AFDN: variants seen among roughly 807,000 people sequenced by gnomAD.
AFDN encodes the protein afadin.
A neutral mutation model predicts 216.6 loss-of-function variants in AFDN; 68 were observed. The observed-to-expected ratio is 0.31, with a 90% CI of 0.26 to 0.38. The LOEUF (loss-of-function observed/expected upper bound fraction) is 0.38, where lower values mean the gene tolerates loss of function less well. Ranked by LOEUF, AFDN falls within the 10% of genes least tolerant of loss-of-function variation. The pLI is 1.00. For synonymous variants in AFDN, 868 were observed against 853.7 expected (o/e 1.02, Z -0.29); for missense variants, 2,136 against 2,342.0 (o/e 0.91, Z 1.82).
At chr6:167,837,085 T>C (rs1029321473) in intron 1 of AFDN, among the ~76,000 whole-genome samples, 21 of 152,176 alleles carry the variant, frequency 1.4e-4, no homozygotes, top group Non-Finnish European at 2.6e-4. Context: ...TTTTATTACC[T>C]TCATGACATT....
chr6:167,880,307 C>T (rs1035511033), intron 5 of AFDN, 53 bp from the exon 6 acceptor site: 2 of 1,548,202 alleles, frequency 1.3e-6, no homozygotes, highest in Non-Finnish European at 1.8e-6. Flanking sequence ...TTAGCTATCT[C>T]TGTTACTGGC....
intron 2 of AFDN, among the ~76,000 whole-genome samples, chr6:167,869,094 G>T (rs1217090840): frequency 1.3e-5 from 2 of 152,006 alleles, no homozygotes; most frequent in Non-Finnish European, 2.9e-5. Flanking sequence ...GTCCTTTTCT[G>T]CAAAGTATAG....
At chr6:167,844,297 T>C (rs1781397560) in intron 1 of AFDN, among the ~76,000 whole-genome samples, 2 of 151,982 alleles carry the variant, frequency 1.3e-5, no homozygotes, top group South Asian at 4.2e-4. Context: ...GCCTCCCAAA[T>C]AGCTGGGATT....
Position 167,962,817 on chromosome 6 carries a change from G to T in AFDN, c.4968+250G>T. ...CCTTCAAACTTCTGAACTCTTGGGC[G>T]TGTGTAGCAGTGAGCCTCTTTGCAA... On this transcript the variant is annotated intron_variant, in intron 31 of 33. Coordinates refer to ENST00000683244, the MANE Select transcript of AFDN (RefSeq NM_001386888.1). This position sits in a 1 kb window ranked among gnomAD's most constrained non-coding sequence, Gnocchi z 5.2. 1.5e-6 allele frequency: 2 copies of T among 1,320,622 alleles called. No homozygotes were observed. Among genetic ancestry groups the T allele is most frequent in the Non-Finnish European group, 1.9e-6 (2 of 1,032,404 alleles). The allele number at this position is 1,320,622 out of a possible 1,614,324, so 81.8% of individuals were successfully genotyped here. A position where few individuals can be genotyped will look rare whatever the true frequency, so the allele number is the denominator to read the frequency against.
At chr6:167,858,260 T>A (rs1350966323) in intron 1 of AFDN, among the ~76,000 whole-genome samples, 1 of 152,170 alleles carries the variant, frequency 6.6e-6, no homozygotes, top group Non-Finnish European at 1.5e-5. Flanking sequence ...TGTGAGCAGA[T>A]GATTGTTAAG....
chr6:167,951,456 C>G lies in AFDN; in HGVS notation c.4102C>G (p.Arg1368Gly). 1.2e-6 allele frequency: 2 copies of G among 1,614,136 alleles called. No homozygotes were observed. The highest frequency in any genetic ancestry group is 1.1e-5 in the South Asian group (1 of 91,076). Residue 1368 changes from arginine (R) to glycine (G), a missense_variant, in exon 30 of 34, where the codon CGA (arginine) becomes GGA (glycine). Physicochemically the swap from Arg to Gly is moderately radical, Grantham distance 125. This residue lies in a region of AFDN where 981 missense variants were observed against 966.0 expected (regional missense o/e 1.02). Coordinates refer to ENST00000683244, the MANE Select transcript of AFDN (RefSeq NM_001386888.1). This position sits in a 1 kb window ranked among gnomAD's most constrained non-coding sequence, Gnocchi z 7.1. ...CCCTGTGGCCGTCTCCCAGCCAATC[C>G]GAACAGACCTGCCTCCGCCACCCCC... The part of the protein sequence containing the change: ...ATPVAVSQPI[R>G]TDLPPPPPPP...
At chr6:167,964,946 CTG>C in intron 31 of AFDN, 2 of 1,056,430 alleles carry the variant, frequency 1.9e-6, no homozygotes, top group Non-Finnish European at 2.3e-6. Flanking sequence ...AATTTTAACA[CTG>C]TCAACTGTAG....
chr6:167,835,523 A>G (rs1780328885), intron 1 of AFDN, among the ~76,000 whole-genome samples: 1 of 152,246 alleles, frequency 6.6e-6, no homozygotes, highest in Admixed American at 6.5e-5. Context: ...TAATTGAACA[A>G]AGAAACGTAC....
At chr6:167,838,404 A>AGCCCTTC (rs1780689577) in intron 1 of AFDN, among the ~76,000 whole-genome samples, 1 of 152,106 alleles carries the variant, frequency 6.6e-6, no homozygotes, top group African/African-American at 2.4e-5. Context: ...ATGTTGCCCT[A>AGCCCTTC]GCCCTTCCCT....
chr6:167,875,228 T>A (rs1238444193), intron 4 of AFDN, 107 bp from the exon 5 acceptor site: 2 of 973,764 alleles, frequency 2.1e-6, no homozygotes, highest in East Asian at 4.8e-5. Context: ...TAGGTACAGA[T>A]GTAGCCAAAT....
chr6:167,946,938 G>T, intron 27 of AFDN, 37 bp downstream of exon 27: 1 of 1,557,094 alleles, frequency 6.4e-7, no homozygotes, highest in Non-Finnish European at 8.7e-7. Context: ...AAGTACACTT[G>T]TGATCACAGT....
chr6:167,957,962 C>T (rs889700093), intron 30 of AFDN, among the ~76,000 whole-genome samples: 2 of 152,194 alleles, frequency 1.3e-5, no homozygotes, highest in Admixed American at 6.5e-5. Flanking sequence ...ACACAGAGCA[C>T]GTGAGAGCCA....
At chr6:167,835,428 C>CT (rs1341990773) in intron 1 of AFDN, among the ~76,000 whole-genome samples, 1 of 152,162 alleles carries the variant, frequency 6.6e-6, no homozygotes, top group Non-Finnish European at 1.5e-5. Flanking sequence ...ACAACTTAAA[C>CT]AATTGCTCAT....
At chr6:167,850,469 G>C (rs912984586) in intron 1 of AFDN, among the ~76,000 whole-genome samples, 1 of 152,110 alleles carries the variant, frequency 6.6e-6, no homozygotes, top group Non-Finnish European at 1.5e-5. Flanking sequence ...ACTATAAAAA[G>C]ATAGATGGAA....
At chr6:167,946,659 G>A (rs746963605) in intron 26 of AFDN, 48 bp from the exon 27 acceptor site, 3 of 1,472,742 alleles carry the variant, frequency 2.0e-6, no homozygotes, top group Non-Finnish European at 2.8e-6. Context: ...GATAATCAGG[G>A]TGTTGAAAAT....
intron 12 of AFDN, among the ~76,000 whole-genome samples, chr6:167,906,727 G>C (rs1452476605): frequency 1.3e-5 from 2 of 152,124 alleles, no homozygotes; most frequent in African/African-American, 4.8e-5. Context: ...GAATTCATTA[G>C]GTATTGAGCT....
Position 167,967,355 on chromosome 6 carries a change from CT to C in AFDN, c.5257+1311del, listed in dbSNP as rs563081680. Among the ~76,000 whole-genome samples the C allele has an allele frequency of 1.0e-3, 152 of 152,260 alleles. 3 individuals are homozygous for C. The highest frequency in any genetic ancestry group is 9.6e-3 in the East Asian group (50 of 5,188). ...CAGAATTCTGTCTTTCCCCGCCCCC[CT>C]GGATCAGAGCTTTGATCTACTTTGA... is the stretch of plus-strand genomic sequence containing the variant. On this transcript the variant is annotated intron_variant, in intron 32 of 33. Coordinates refer to ENST00000683244, the MANE Select transcript of AFDN (RefSeq NM_001386888.1).
intron 2 of AFDN, among the ~76,000 whole-genome samples, chr6:167,869,637 T>C (rs1186462620): frequency 6.6e-6 from 1 of 152,174 alleles, no homozygotes; most frequent in African/African-American, 2.4e-5. Context: ...AGCAGGTCCA[T>C]CCTTCAGTGC....
chr6:167,912,901 G>A (rs1212772062), intron 15 of AFDN, among the ~76,000 whole-genome samples: 1 of 152,076 alleles, frequency 6.6e-6, no homozygotes, highest in East Asian at 1.9e-4. Context: ...CTTTAGTATA[G>A]GTGTAAGTTA....
Sources: gnomAD v4.1 joint callset for allele counts (sites outside exome capture counted in the v4.1 genomes callset) on GRCh38, gnomAD v4.1.1 for gene constraint, gnomAD v4.1.1 regional missense constraint, Gnocchi (gnomAD v3.1) non-coding constraint, MANE v1.5 for transcripts, NCBI Gene and HGNC (gene_info 2026-07-23, HGNC 2026-07-21) for gene names.